The following H2BC12 variants were observed in gnomAD, a reference collection of about 807,000 sequenced individuals.
H2BC12 encodes H2B clustered histone 12.
H2BC12 carries 6 observed loss-of-function variants against 6.3 expected under a neutral mutation model. The observed-to-expected ratio is 0.95, with a 90% CI of 0.52 to 1.87. The LOEUF (loss-of-function observed/expected upper bound fraction) is 1.87. H2BC12 is among the 40% of genes most tolerant of loss of function. H2BC12 has a pLI of 0.01. For synonymous variants in H2BC12, 132 were observed against 78.5 expected (o/e 1.68, Z -3.60); for missense variants, 119 against 178.4 (o/e 0.67, Z 1.90).
At chr6:27,139,651 A>G in the H2BC12 span, 23 of 1,577,036 alleles carry the variant, frequency 1.5e-5, no homozygotes, top group Non-Finnish European at 2.0e-5. Context: ...CATTCTCTAA[A>G]AAGGCCCTTT....
chr6:27,139,884 G>C, the H2BC12 span: 2 of 515,736 alleles, frequency 3.9e-6, no homozygotes, highest in Non-Finnish European at 6.8e-6. Flanking sequence ...GCCTGCAGCC[G>C]GTTTACCGCT....
At chr6:27,140,149 GTAA>G in the H2BC12 span, among the ~76,000 whole-genome samples, 3 of 151,822 alleles carry the variant, frequency 2.0e-5, no homozygotes, top group Non-Finnish European at 4.4e-5. Flanking sequence ...AAGAGTCTTA[GTAA>G]TAATATTCCT....
At position 27,146,379 on chromosome 6, in the gene H2BC12, G is replaced by A. The variant is rs774120407; in HGVS notation, c.*39C>T. On this transcript the variant is annotated 3_prime_UTR_variant, in exon 1 of 1. Transcript: ENST00000356950. ...GATAATTTAAGTGGCTCTTAAAAGA[G>A]CCTTTGGGGTTGGGCTTTAAGACGC... The A allele has an allele frequency of 3.7e-5, 59 of 1,613,590 alleles. No individual in the cohort carries two copies. Among genetic ancestry groups the A allele is most frequent in the Non-Finnish European group, 4.8e-5 (57 of 1,179,844 alleles).
chr6:27,138,900 G>C, the H2BC12 span: 1 of 157,928 alleles, frequency 6.3e-6, no homozygotes, highest in East Asian at 1.9e-4. Flanking sequence ...TTGTTCTATT[G>C]CTAGGAATTT....
chr6:27,139,593 C>T, the H2BC12 span: 6 of 1,613,224 alleles, frequency 3.7e-6, no homozygotes, highest in East Asian at 2.2e-5. Context: ...AGCGCCAGGG[C>T]CGCACCCTCT....
rs1034078829 is a variant in H2BC12, at chr6:27,146,418, T to C, written c.381A>G (p.Ter127=). 19 of 1,614,112 alleles carry C rather than the reference T, an allele frequency of 1.2e-5. No individual in the cohort carries two copies. The highest frequency in any genetic ancestry group is 1.5e-5 in the Non-Finnish European group (18 of 1,180,042). The change falls in exon 1 of 1, where the codon TAA becomes TAG. Residue 127 remains the stop codon, a stop_retained_variant. Coordinates refer to ENST00000356950, the MANE Select transcript of H2BC12 (RefSeq NM_001312653.2). ...GCTTTAAGACGCTTACTTGGCAAGT[T>C]TACTTAGCGCTGGTGTACTTGGTGA... ...KAVTKYTSAK[*]
the H2BC12 span, chr6:27,139,799 G>A: frequency 2.8e-6 from 3 of 1,059,302 alleles, no homozygotes; most frequent in Non-Finnish European, 3.9e-6. Flanking sequence ...GACTACAGGT[G>A]ACCTTGGGCC....
Position 27,146,531 on chromosome 6 carries a change from T to C in H2BC12, c.268A>G (p.Ile90Val). ...GCCGTCTGGATCTCCCTGGAGGTGATGGTCGAGCGCTTGTTGTAATGCGCC... is the reference window on the plus strand; with the variant it reads ...GCCGTCTGGATCTCCCTGGAGGTGACGGTCGAGCGCTTGTTGTAATGCGCC... ...RLAHYNKRSTITSREIQTAVR... is the reference protein window; with the variant it reads ...RLAHYNKRSTVTSREIQTAVR... The change falls in exon 1 of 1, where the codon ATC (isoleucine) becomes GTC (valine). Residue 90 changes from isoleucine (I) to valine (V), a missense_variant. Around this residue, in one of 2 missense-constraint regions of H2BC12, gnomAD observed 69 missense variants for 141.0 expected, o/e 0.49. Coordinates refer to ENST00000356950, the MANE Select transcript of H2BC12 (RefSeq NM_001312653.2). 6.2e-7 allele frequency: 1 copy of C among 1,614,248 alleles called. No homozygotes were observed. The highest frequency in any genetic ancestry group is 8.5e-7 in the Non-Finnish European group (1 of 1,180,042).
At chr6:27,139,553 T>C in the H2BC12 span, 1 of 1,614,014 alleles carries the variant, frequency 6.2e-7, no homozygotes, top group Non-Finnish European at 8.5e-7. Context: ...CGCAAGACGG[T>C]CACCGCCATG....
At chr6:27,139,548 G>A in the H2BC12 span, 3 of 1,614,184 alleles carry the variant, frequency 1.9e-6, no homozygotes, top group Non-Finnish European at 2.5e-6. Context: ...CCAAGCGCAA[G>A]ACGGTCACCG....
Position 27,146,826 on chromosome 6 carries a change from G to A in H2BC12, c.-28C>T, listed in dbSNP as rs746393002. ...TGAAGGCGAACTACGAGCCTGAGAC[G>A]AGCAGCAGATCGAGAAAACGGGAAG... On this transcript the variant is annotated 5_prime_UTR_variant, in exon 1 of 1. Coordinates refer to ENST00000356950, the MANE Select transcript of H2BC12 (RefSeq NM_001312653.2). The A allele has an allele frequency of 4.2e-5, 67 of 1,607,274 alleles. No individual in the cohort carries two copies. The highest frequency in any genetic ancestry group is 4.2e-5 in the Non-Finnish European group (50 of 1,176,978).
downstream of H2BC12, among the ~76,000 whole-genome samples, chr6:27,145,151 G>A (rs1289100376): frequency 3.3e-5 from 5 of 152,062 alleles, no homozygotes; most frequent in East Asian, 7.7e-4. Flanking sequence ...CAAAATTACT[G>A]GTAGGATAAA....
At chr6:27,139,271 T>G in the H2BC12 span, 7 of 1,543,912 alleles carry the variant, frequency 4.5e-6, no homozygotes, top group African/African-American at 2.8e-5. Flanking sequence ...AAAGCTGCCA[T>G]CACAGGCAGC....
chr6:27,139,735 T>C, the H2BC12 span: 1 of 1,415,308 alleles, frequency 7.1e-7, no homozygotes, highest in Non-Finnish European at 9.4e-7. Flanking sequence ...CCATTGTCAG[T>C]GAGTTCTGTC....
the H2BC12 span, chr6:27,139,558 G>A: frequency 1.9e-5 from 30 of 1,613,958 alleles, no homozygotes; most frequent in Non-Finnish European, 2.5e-5. Flanking sequence ...GACGGTCACC[G>A]CCATGGACGT....
At chr6:27,143,982 CAAATT>C (rs944960063), downstream of H2BC12, among the ~76,000 whole-genome samples, 7 of 151,056 alleles carry the variant, frequency 4.6e-5, no homozygotes, top group African/African-American at 1.7e-4. Context: ...CAAATTAAGT[CAAATT>C]AATACACGTG....
chr6:27,146,033 T>C (rs760526639), downstream of H2BC12, among the ~76,000 whole-genome samples: 3 of 152,134 alleles, frequency 2.0e-5, no homozygotes, highest in Non-Finnish European at 2.9e-5. Flanking sequence ...CGCCATTACA[T>C]GGTGGAAAGT....
chr6:27,143,823 T>C (rs1373888798), downstream of H2BC12, among the ~76,000 whole-genome samples: 4 of 143,894 alleles, frequency 2.8e-5, no homozygotes, highest in Admixed American at 7.1e-5. Flanking sequence ...ACAGCAATTA[T>C]TGCAAAGCAC....
At chr6:27,145,607 T>G (rs920338878), downstream of H2BC12, among the ~76,000 whole-genome samples, 9 of 152,330 alleles carry the variant, frequency 5.9e-5, no homozygotes, top group Admixed American at 5.2e-4. Context: ...GGGCGGACTG[T>G]CTCTAGTCTG....
Sources: allele counts gnomAD v4.1 joint callset (sites outside exome capture counted in the v4.1 genomes callset), GRCh38; gene constraint gnomAD v4.1.1; regional missense constraint gnomAD v4.1.1; transcripts MANE v1.5; gene names NCBI Gene and HGNC (gene_info 2026-07-23, HGNC 2026-07-21).